Variants in MYCBP2 observed in about 807,000 individuals in gnomAD.
MYCBP2 encodes MYC binding protein 2, also known as E3 ubiquitin-protein ligase MYCBP2.
In MYCBP2, 120 loss-of-function variants were observed where a neutral mutation model predicts 525.3. That is an observed-to-expected ratio of 0.23 (90% confidence interval 0.20 to 0.27). MYCBP2 has a LOEUF of 0.27. MYCBP2 is among the 10% of genes least tolerant of loss of function. The pLI is 1.00. For missense variants in MYCBP2, 4,149 were observed against 5,657.1 expected (o/e 0.73, Z 8.55); for synonymous variants, 1,894 against 1,955.8 (o/e 0.97, Z 0.83).
Position 77,141,349 on chromosome 13 carries a change from G to A in MYCBP2, c.7304-406C>T, listed in dbSNP as rs916695712. On this transcript the variant is annotated intron_variant, in intron 49 of 82. Transcript: ENST00000544440. ...GTGAGAAGCTGAGGTTCTCATGTTA[G>A]ACTGCTTTGGTTACTCCAATATCTC... Among the ~76,000 whole-genome samples the A allele has an allele frequency of 2.0e-5, 3 of 152,138 alleles. No individual in the cohort carries two copies. The East Asian group carries it at 5.8e-4, about 29-fold the overall frequency.
rs77750160 is a variant in MYCBP2 at position 77,219,923 on chromosome 13, A to G, written c.2940-1966T>C. On this transcript the variant is annotated intron_variant, in intron 20 of 82. Coordinates refer to ENST00000544440, the MANE Select transcript of MYCBP2 (RefSeq NM_015057.5). ...TTAAGTGTATATTCTTGTATTTTTC[A>G]TAGAGACCCCATGTCTTTCATCAAA... Among the ~76,000 whole-genome samples the G allele has an allele frequency of 1.7e-3, 252 of 152,236 alleles. 1 individual carries two copies. The highest frequency in any genetic ancestry group is 5.8e-3 in the African/African-American group (241 of 41,552).
chr13:77,125,870 T>C lies in MYCBP2; in HGVS notation c.7885-402A>G, dbSNP rs539928408. ...CTGAGAAATAGCATGACACACTACA[T>C]CTTCAAGCTTATCAGCTGAGGCAAA... On this transcript the variant is annotated intron_variant, in intron 53 of 82. Coordinates refer to ENST00000544440, the MANE Select transcript of MYCBP2 (RefSeq NM_015057.5). Among the ~76,000 whole-genome samples the C allele has an allele frequency of 1.4e-4, 22 of 152,268 alleles. 1 individual carries two copies. Among genetic ancestry groups the C allele is most frequent in the Non-Finnish European group, 2.6e-4 (18 of 68,018 alleles).
At chr13:77,226,970 C>T (rs1421126050) in intron 18 of MYCBP2, among the ~76,000 whole-genome samples, 1 of 152,038 alleles carries the variant, frequency 6.6e-6, no homozygotes, top group Non-Finnish European at 1.5e-5. Context: ...GTGTGGTTAC[C>T]TACATTATAT....
chr13:77,056,098 T>TGGGG (rs200043974), intron 79 of MYCBP2, among the ~76,000 whole-genome samples: 3 of 108,778 alleles, frequency 2.8e-5, no homozygotes, highest in African/African-American at 1.1e-4. Flanking sequence ...GCTCTGTGTT[T>TGGGG]GGTGTGTGTG....
intron 71 of MYCBP2, among the ~76,000 whole-genome samples, chr13:77,067,043 T>C (rs1028599132): frequency 3.3e-5 from 5 of 152,196 alleles, no homozygotes; most frequent in Admixed American, 3.3e-4. Flanking sequence ...TTTTAAAACA[T>C]TTAAATATTA....
chr13:77,286,692 C>T, intron 3 of MYCBP2, among the ~76,000 whole-genome samples: 1 of 116,428 alleles, frequency 8.6e-6, no homozygotes, highest in East Asian at 3.1e-4. Context: ...GGAGGCGGAG[C>T]TTGCAGTGAG....
intron 82 of MYCBP2, 23 bp from the exon 83 acceptor site, chr13:77,045,516 A>C: frequency 6.7e-7 from 1 of 1,484,286 alleles, no homozygotes; most frequent in South Asian, 1.1e-5. Flanking sequence ...GAAGGAGGCA[A>C]AGGAAAATAA....
At chr13:77,141,094 TA>T (rs2054539491) in intron 49 of MYCBP2, 151 bp from the exon 50 acceptor site, 1 of 555,436 alleles carries the variant, frequency 1.8e-6, no homozygotes, top group African/African-American at 2.0e-5. Context: ...TTTAATAGGC[TA>T]AACAAGAGAA....
chr13:77,125,374 C>G lies in MYCBP2; in HGVS notation c.7979G>C (p.Arg2660Thr), dbSNP rs773996237. 1 of 1,614,016 alleles carries G rather than the reference C, an allele frequency of 6.2e-7. No individual in the cohort carries two copies. Among genetic ancestry groups the G allele is most frequent in the Admixed American group, 1.7e-5 (1 of 60,016 alleles). Residue 2660 changes from arginine to threonine, a missense_variant, in exon 54 of 83, where the codon AGA becomes ACA. Coordinates refer to ENST00000544440, the MANE Select transcript of MYCBP2 (RefSeq NM_015057.5). ...SDEGEAWSLA[R>T]DRGGNQYLRH... The stretch of plus-strand genomic sequence containing the variant: ...GAGGTACTGGTTTCCGCCTCTGTCT[C>G]TAGCTAAGGACCATGCCTCTCCTTC...
chr13:77,203,517 A>G (rs985272411), intron 26 of MYCBP2, among the ~76,000 whole-genome samples: 1 of 151,794 alleles, frequency 6.6e-6, no homozygotes, highest in African/African-American at 2.4e-5. Flanking sequence ...GCTACCAATG[A>G]CTTTCTTCAC....
intron 73 of MYCBP2, 67 bp from the exon 74 acceptor site, chr13:77,062,764 C>T: frequency 8.5e-7 from 1 of 1,174,974 alleles, no homozygotes; most frequent in East Asian, 2.3e-5. Flanking sequence ...CTGACTGTGA[C>T]ACATCACAAC....
At chr13:77,184,922 A>G (rs1282420004) in intron 32 of MYCBP2, among the ~76,000 whole-genome samples, 181 bp downstream of exon 32, 1 of 152,238 alleles carries the variant, frequency 6.6e-6, no homozygotes, top group Non-Finnish European at 1.5e-5. Flanking sequence ...TTTGTAACTA[A>G]AAGATGATGA....
At chr13:77,266,054 A>C (rs774887210) in intron 8 of MYCBP2, among the ~76,000 whole-genome samples, 2 of 152,226 alleles carry the variant, frequency 1.3e-5, no homozygotes, top group Non-Finnish European at 2.9e-5. Flanking sequence ...AAACTGAATA[A>C]AGACATTAAC....
chr13:77,052,903 C>A (rs1031950000), intron 80 of MYCBP2, among the ~76,000 whole-genome samples: 5 of 152,112 alleles, frequency 3.3e-5, no homozygotes, highest in African/African-American at 1.2e-4. Context: ...GTGAGGCAGA[C>A]AGATTCCTTG....
rs992177408 is a variant in MYCBP2 at position 77,051,230 on chromosome 13, C to T, written c.13756-68G>A. 3 of 1,397,556 alleles carry T rather than the reference C, an allele frequency of 2.1e-6. No individual in the cohort carries two copies. In the African/African-American group the frequency reaches 4.4e-5, roughly 20 times the overall value. 86.6% of individuals were successfully genotyped at this position (1,397,556 alleles called of 1,614,324 possible). A position where few individuals can be genotyped will look rare whatever the true frequency, so the allele number is the denominator to read the frequency against. The stretch of plus-strand genomic sequence containing the variant: ...CTATTTCAATCACACTTAAGATAGG[C>T]ATATACATAGACAGCTCCTTAATTC... On this transcript the variant is annotated intron_variant, in intron 81 of 82. Coordinates refer to ENST00000544440, the MANE Select transcript of MYCBP2 (RefSeq NM_015057.5).
rs117967756 is a variant in MYCBP2, at chr13:77,107,010, C to A, written c.8141-7997G>T. On this transcript the variant is annotated intron_variant, in intron 55 of 82. Coordinates refer to ENST00000544440, the MANE Select transcript of MYCBP2 (RefSeq NM_015057.5). ...ATTCTGTTCATGCTATACATACCTACGTTTATGTATTTATATATATTTCTT... is the reference window on the plus strand; with the variant it reads ...ATTCTGTTCATGCTATACATACCTAAGTTTATGTATTTATATATATTTCTT... 2.6e-5 allele frequency among the ~76,000 whole-genome samples: 4 copies of A among 152,086 alleles called. 1 individual carries two copies. The highest frequency in any genetic ancestry group is 5.9e-5 in the Non-Finnish European group (4 of 68,012).
At position 77,128,742 on chromosome 13, in the gene MYCBP2, A is replaced by C. The variant is rs1041195359; in HGVS notation, c.7660-2200T>G. 1.1e-4 allele frequency among the ~76,000 whole-genome samples: 16 copies of C among 151,912 alleles called. 2 individuals carry two copies. The highest frequency in any genetic ancestry group is 4.6e-4 in the Admixed American group (7 of 15,246). ...GTAAGACCCAGGTACCAGCATATTA[A>C]ATTCATGAATTTCAATATTATTATT... On this transcript the variant is annotated intron_variant, in intron 52 of 82. Coordinates refer to ENST00000544440, the MANE Select transcript of MYCBP2 (RefSeq NM_015057.5).
chr13:77,086,032 T>C (rs991148588), intron 62 of MYCBP2, among the ~76,000 whole-genome samples: 1 of 152,174 alleles, frequency 6.6e-6, no homozygotes, highest in Non-Finnish European at 1.5e-5. Flanking sequence ...ATATCCAGGA[T>C]TGATCTTTTA....
intron 82 of MYCBP2, among the ~76,000 whole-genome samples, 178 bp downstream of exon 82, chr13:77,050,819 G>A (rs184362145): frequency 5.3e-5 from 8 of 152,252 alleles, no homozygotes; most frequent in African/African-American, 1.9e-4. Flanking sequence ...ATGATGATGA[G>A]CCTGCTTCCT....
Sources: gnomAD v4.1 joint callset for allele counts (sites outside exome capture counted in the v4.1 genomes callset) on GRCh38, gnomAD v4.1.1 for gene constraint, MANE v1.5 for transcripts, NCBI Gene and HGNC (gene_info 2026-07-23, HGNC 2026-07-21) for gene names.